TTC13: variants seen among roughly 807,000 people sequenced by gnomAD.
TTC13 encodes the protein tetratricopeptide repeat protein 13.
Under a neutral mutation model 120.0 loss-of-function variants are expected in TTC13, and 62 were observed. The ratio of observed to expected loss-of-function variants is 0.52; its 90% CI spans 0.42 to 0.64. TTC13 has a LOEUF of 0.64. Ranked by LOEUF, TTC13 falls within the 30% of genes least tolerant of loss-of-function variation. TTC13 has a pLI of 0.00. For synonymous variants in TTC13, 384 were observed against 393.5 expected (o/e 0.98, Z 0.28); for missense variants, 824 against 1,050.2 (o/e 0.78, Z 2.98).
At position 230,931,334 on chromosome 1, in the gene TTC13, C is replaced by T. The variant is rs754838169; in HGVS notation, c.1264G>A (p.Ala422Thr). ...MLNDPLPGQK[A>T]SPEYLKVKYL... Reference sequence around the variant, plus strand: ...TTTACTTTAAGATACTCAGGGCTAGCCTTCTGGCCTGGGAGAGGATCATTC... The same window carrying T: ...TTTACTTTAAGATACTCAGGGCTAGTCTTCTGGCCTGGGAGAGGATCATTC... Residue 422 changes from alanine to threonine, a missense_variant, in exon 11 of 23, where the codon GCT becomes ACT. Ala to Thr is a moderately conservative substitution (Grantham distance 58, BLOSUM62 0). Coordinates refer to ENST00000366661, the MANE Select transcript of TTC13 (RefSeq NM_024525.5). The T allele has an allele frequency of 6.2e-7, 1 of 1,614,128 alleles. No individual in the cohort carries two copies. The highest frequency in any genetic ancestry group is 1.1e-5 in the South Asian group (1 of 91,074).
intron 15 of TTC13, among the ~76,000 whole-genome samples, chr1:230,922,719 CT>C (rs1233124894): frequency 6.6e-6 from 1 of 152,178 alleles, no homozygotes; most frequent in African/African-American, 2.4e-5. Flanking sequence ...CACCAGAAGG[CT>C]TTATCAGGCA....
At chr1:230,926,085 T>C (rs1441638403) in intron 12 of TTC13, among the ~76,000 whole-genome samples, 30 of 152,074 alleles carry the variant, frequency 2.0e-4, no homozygotes, top group Admixed American at 2.0e-3. Context: ...CCAACCTGCT[T>C]GATGCTTTTA....
intron 1 of TTC13, among the ~76,000 whole-genome samples, chr1:230,968,184 TGGG>T (rs10587077): frequency 4.6e-5 from 6 of 130,902 alleles, no homozygotes; most frequent in African/African-American, 1.3e-4. Context: ...CCTATGGTGG[TGGG>T]GGGGGGGCCT....
chr1:230,949,775 A>C (rs1019498906), intron 4 of TTC13, among the ~76,000 whole-genome samples: 5 of 152,076 alleles, frequency 3.3e-5, no homozygotes, highest in African/African-American at 1.2e-4. Flanking sequence ...CCTCCTGAGT[A>C]GCTGGGACTA....
At chr1:230,954,432 G>A (rs757522379) in intron 3 of TTC13, 29 bp from the exon 4 acceptor site, 2 of 1,553,858 alleles carry the variant, frequency 1.3e-6, no homozygotes, top group South Asian at 1.2e-5. Flanking sequence ...AAATATTAAA[G>A]GAAAGAATAA....
intron 8 of TTC13, among the ~76,000 whole-genome samples, chr1:230,934,325 A>G (rs1673842132): frequency 1.3e-5 from 2 of 152,174 alleles, no homozygotes; most frequent in South Asian, 2.1e-4. Context: ...AACTGTTCCT[A>G]AAACAAGCAA....
At chr1:230,911,579 A>G in intron 19 of TTC13, 30 bp from the exon 20 acceptor site, 2 of 1,417,388 alleles carry the variant, frequency 1.4e-6, no homozygotes, top group South Asian at 1.3e-5. Flanking sequence ...ACTCATAAAT[A>G]CTATAAAGAT....
At chr1:230,938,582 ACAGTCAATCAAAGAAGGG>A (rs1437835259) in intron 8 of TTC13, among the ~76,000 whole-genome samples, 2 of 152,132 alleles carry the variant, frequency 1.3e-5, no homozygotes, top group African/African-American at 4.8e-5. Flanking sequence ...CAATACTAAT[ACAGTCAATCAAAGAAGGG>A]TCTCCCAACC....
chr1:230,910,148 A>G (rs1671359992), intron 20 of TTC13, among the ~76,000 whole-genome samples: 1 of 152,212 alleles, frequency 6.6e-6, no homozygotes. Flanking sequence ...GTGGACACCA[A>G]GAAAAGTGAG....
chr1:230,943,698 TAA>T (rs1674728655), intron 6 of TTC13, 106 bp downstream of exon 6: 5 of 813,760 alleles, frequency 6.1e-6, no homozygotes, highest in Non-Finnish European at 9.4e-6. Context: ...TAGAAAAACA[TAA>T]GAGTTTTAAG....
Position 230,923,936 on chromosome 1 carries a change from A to G in TTC13, c.1722-3T>C. On this transcript the variant is annotated splice_polypyrimidine_tract_variant and splice_region_variant and intron_variant, in intron 14 of 22. Coordinates refer to ENST00000366661, the MANE Select transcript of TTC13 (RefSeq NM_024525.5). The stretch of plus-strand genomic sequence containing the variant: ...CGGGCTGGTCTGGGTCAGCAATCCT[A>G]TAAAACAGAGACCTTTATAAAACCA... 1.9e-6 allele frequency: 3 copies of G among 1,610,968 alleles called. No homozygotes were observed. The highest frequency in any genetic ancestry group is 2.5e-6 in the Non-Finnish European group (3 of 1,177,818).
At chr1:230,952,160 C>T (rs1309798549) in intron 4 of TTC13, among the ~76,000 whole-genome samples, 4 of 152,158 alleles carry the variant, frequency 2.6e-5, no homozygotes, top group Admixed American at 6.5e-5. Flanking sequence ...ATAGAATCTT[C>T]GAATTTTCTA....
intron 17 of TTC13, 109 bp from the exon 18 acceptor site, chr1:230,916,411 G>T: frequency 1.2e-6 from 1 of 815,730 alleles, no homozygotes; most frequent in Non-Finnish European, 2.1e-6. Context: ...AAGGGCCAAG[G>T]AGGTCATCTG....
At chr1:230,969,080 G>C (rs1677452652) in intron 1 of TTC13, among the ~76,000 whole-genome samples, 1 of 152,102 alleles carries the variant, frequency 6.6e-6, no homozygotes, top group Middle Eastern at 3.2e-3. Context: ...CGAGACCACG[G>C]TGAAACCCCG....
intron 1 of TTC13, among the ~76,000 whole-genome samples, chr1:230,968,473 T>C (rs1677386933): frequency 6.6e-6 from 1 of 152,138 alleles, no homozygotes; most frequent in Non-Finnish European, 1.5e-5. Context: ...GTTCATTTAT[T>C]CCCTTTCTTC....
intron 1 of TTC13, among the ~76,000 whole-genome samples, chr1:230,970,926 G>A (rs187011375): frequency 5.3e-4 from 81 of 152,262 alleles, no homozygotes; most frequent in African/African-American, 1.9e-3. Context: ...CCTAACCCCA[G>A]GTATAGGGTA....
At position 230,978,055 on chromosome 1, in the gene TTC13, G is replaced by A. The variant is rs1275622398; in HGVS notation, c.271+505C>T. Among the ~76,000 whole-genome samples, 1 of 152,188 alleles carries A rather than the reference G, an allele frequency of 6.6e-6. No individual in the cohort carries two copies. Among genetic ancestry groups the A allele is most frequent in the East Asian group, 1.9e-4 (1 of 5,192 alleles). On this transcript the variant is annotated intron_variant, in intron 1 of 22. Coordinates refer to ENST00000366661, the MANE Select transcript of TTC13 (RefSeq NM_024525.5). This position sits in a 1 kb window ranked among gnomAD's most constrained non-coding sequence, Gnocchi z 5.6. Reference sequence around the variant, plus strand: ...TTCCATTCCAGGGATCCAATTTTTAGGAACTGTTGTATACGAGACATTAAC... The same window carrying A: ...TTCCATTCCAGGGATCCAATTTTTAAGAACTGTTGTATACGAGACATTAAC...
intron 1 of TTC13, among the ~76,000 whole-genome samples, chr1:230,962,132 C>A (rs549688126): frequency 5.3e-5 from 8 of 152,052 alleles, no homozygotes; most frequent in African/African-American, 1.9e-4. Context: ...ATCGCTTGAA[C>A]CCGGGAGGCA....
At chr1:230,945,244 C>T in intron 5 of TTC13, 145 bp downstream of exon 5, 1 of 752,260 alleles carries the variant, frequency 1.3e-6, no homozygotes, top group Non-Finnish European at 2.3e-6. Flanking sequence ...CACTTACTAG[C>T]TGCCATTTTC....
Sources: allele counts gnomAD v4.1 joint callset (sites outside exome capture counted in the v4.1 genomes callset), GRCh38; gene constraint gnomAD v4.1.1; non-coding constraint Gnocchi (gnomAD v3.1); transcripts MANE v1.5; gene names NCBI Gene and HGNC (gene_info 2026-07-23, HGNC 2026-07-21).